The following TTC23 variants were observed in gnomAD, a reference collection of about 807,000 sequenced individuals.
TTC23 encodes the protein tetratricopeptide repeat domain 23, also known as tetratricopeptide repeat protein 23.
A neutral mutation model predicts 55.1 loss-of-function variants in TTC23; 58 were observed. The ratio of observed to expected loss-of-function variants is 1.05; its 90% CI spans 0.85 to 1.31. The LOEUF (loss-of-function observed/expected upper bound fraction) is 1.31. Ranked by LOEUF, TTC23 falls within the 50% of genes most tolerant of loss-of-function variation. The pLI is 0.00. For missense variants in TTC23, 516 were observed against 534.4 expected (o/e 0.97, Z 0.34); for synonymous variants, 203 against 199.9 (o/e 1.02, Z -0.13).
At chr15:99,194,384 T>C (rs2075514533) in intron 9 of TTC23, among the ~76,000 whole-genome samples, 2 of 151,942 alleles carry the variant, frequency 1.3e-5, no homozygotes, top group South Asian at 4.2e-4. Context: ...TAAGACAGTG[T>C]GGCAGTGGCA....
At chr15:99,217,862 A>G (rs1351714508) in intron 8 of TTC23, among the ~76,000 whole-genome samples, 1 of 152,156 alleles carries the variant, frequency 6.6e-6, no homozygotes, top group Admixed American at 6.5e-5. Context: ...TTGGCAATCA[A>G]CCTACACATA....
At chr15:99,197,347 C>A (rs1484450777) in intron 9 of TTC23, among the ~76,000 whole-genome samples, 2 of 152,100 alleles carry the variant, frequency 1.3e-5, no homozygotes, top group African/African-American at 2.4e-5. Flanking sequence ...TGTGATCCAC[C>A]CTCCTTGGCC....
chr15:99,165,778 T>C (rs941074011), intron 10 of TTC23, among the ~76,000 whole-genome samples: 3 of 152,192 alleles, frequency 2.0e-5, no homozygotes, highest in Admixed American at 1.3e-4. Context: ...AAACTGAGTA[T>C]TAACTTTGGC....
intron 1 of TTC23, among the ~76,000 whole-genome samples, chr15:99,247,160 G>A (rs1303448788): frequency 6.6e-6 from 1 of 152,168 alleles, no homozygotes; most frequent in East Asian, 1.9e-4. Context: ...GAATAAGACA[G>A]ATCATAAGGA....
intron 5 of TTC23, among the ~76,000 whole-genome samples, chr15:99,223,570 C>G (rs759136006): frequency 2.6e-5 from 4 of 152,222 alleles, no homozygotes; most frequent in Non-Finnish European, 5.9e-5. Context: ...AAACTCTGTT[C>G]TTTAAGCCAC....
At chr15:99,165,014 G>A (rs374397817) in intron 10 of TTC23, among the ~76,000 whole-genome samples, 5 of 152,292 alleles carry the variant, frequency 3.3e-5, no homozygotes, top group African/African-American at 1.2e-4. Flanking sequence ...CCCTTATAAG[G>A]AGGTATAAGG....
At chr15:99,148,976 G>A (rs1325129473) in intron 12 of TTC23, among the ~76,000 whole-genome samples, 3 of 152,182 alleles carry the variant, frequency 2.0e-5, no homozygotes, top group Non-Finnish European at 4.4e-5. Flanking sequence ...ACCATTCAGT[G>A]CAGGAGGGTA....
chr15:99,199,645 C>T (rs1031901073), intron 9 of TTC23, among the ~76,000 whole-genome samples: 9 of 152,036 alleles, frequency 5.9e-5, no homozygotes, highest in Non-Finnish European at 1.2e-4. Flanking sequence ...GGGTAACATA[C>T]GCTCTAAATA....
intron 12 of TTC23, among the ~76,000 whole-genome samples, chr15:99,145,877 GA>G (rs1439622270): frequency 6.6e-6 from 1 of 152,166 alleles, no homozygotes; most frequent in Non-Finnish European, 1.5e-5. Flanking sequence ...AGATGAAGGA[GA>G]AAGGGGGTGA....
intron 9 of TTC23, among the ~76,000 whole-genome samples, chr15:99,181,664 C>T (rs1247193532): frequency 6.6e-6 from 1 of 152,140 alleles, no homozygotes; most frequent in Non-Finnish European, 1.5e-5. Context: ...GTTGCAGCCC[C>T]GGGTTGCCAT....
chr15:99,174,145 G>C (rs2073261499), intron 10 of TTC23, among the ~76,000 whole-genome samples: 1 of 152,162 alleles, frequency 6.6e-6, no homozygotes, highest in Non-Finnish European at 1.5e-5. Context: ...GATCTGCAAG[G>C]TGTGATGGAC....
intron 9 of TTC23, among the ~76,000 whole-genome samples, chr15:99,199,603 T>C (rs972677741): frequency 1.4e-5 from 2 of 139,026 alleles, no homozygotes; most frequent in African/African-American, 5.0e-5. Context: ...GTGAAGACTT[T>C]AGAATGTAGA....
chr15:99,227,055 T>C (rs1296439239), intron 5 of TTC23, among the ~76,000 whole-genome samples: 3 of 152,250 alleles, frequency 2.0e-5, no homozygotes, highest in African/African-American at 7.2e-5. Context: ...GAGGGCTTAA[T>C]TCTTTTGCAG....
intron 6 of TTC23, 57 bp from the exon 7 acceptor site, chr15:99,219,105 A>G (rs2152045882): frequency 1.3e-6 from 2 of 1,575,098 alleles, no homozygotes; most frequent in Middle Eastern, 1.7e-4. Context: ...GGACAGGAAT[A>G]CAGTTCCTTA....
intron 5 of TTC23, among the ~76,000 whole-genome samples, chr15:99,225,760 AG>A: frequency 6.6e-6 from 1 of 152,220 alleles, no homozygotes; most frequent in South Asian, 2.1e-4. Context: ...GGCAGAGTGA[AG>A]TTTTAAATAT....
intron 12 of TTC23, among the ~76,000 whole-genome samples, chr15:99,152,959 A>C (rs1180480327): frequency 6.6e-6 from 1 of 151,912 alleles, no homozygotes. Context: ...CACCATGCCC[A>C]GCTAATTATT....
chr15:99,137,628 TG>T lies in TTC23; in HGVS notation c.*381del, dbSNP rs2151817644. ...TAAGAAAGGACTTCCTGAAGTTCAC[TG>T]TCCAGATCTAACTCCACACCTATGC... On this transcript the variant is annotated 3_prime_UTR_variant, in exon 14 of 14. Coordinates refer to ENST00000394132, the MANE Select transcript of TTC23 (RefSeq NM_001288615.3). 1 of 175,228 alleles carries T rather than the reference TG, an allele frequency of 5.7e-6. No homozygotes were observed. The highest frequency in any genetic ancestry group is 2.3e-5 in the African/African-American group (1 of 42,638). The allele number at this position is 175,228 out of a possible 1,614,324, so 10.9% of individuals were successfully genotyped here.
intron 11 of TTC23, chr15:99,159,070 GA>G (rs1294795608): frequency 2.6e-5 from 4 of 152,390 alleles, no homozygotes; most frequent in African/African-American, 9.6e-5. Flanking sequence ...GCCCTAGAAT[GA>G]AAAGAGCCAG....
At chr15:99,215,102 C>T (rs936557086) in intron 8 of TTC23, among the ~76,000 whole-genome samples, 3 of 151,068 alleles carry the variant, frequency 2.0e-5, no homozygotes, top group African/African-American at 4.9e-5. Flanking sequence ...GTGATCCACC[C>T]GCCTCGGCCT....
Sources: allele counts gnomAD v4.1 joint callset (sites outside exome capture counted in the v4.1 genomes callset), GRCh38; gene constraint gnomAD v4.1.1; transcripts MANE v1.5; gene names NCBI Gene and HGNC (gene_info 2026-07-23, HGNC 2026-07-21).